The following FUT9 variants were observed in gnomAD, a reference collection of about 807,000 sequenced individuals.
FUT9 encodes fucosyltransferase 9.
A neutral mutation model predicts 29.7 loss-of-function variants in FUT9; 15 were observed. That is an observed-to-expected ratio of 0.51 (90% CI 0.34 to 0.78). The LOEUF is 0.78. Among genes scored for constraint, FUT9 ranks in the 30% least tolerant of loss-of-function variants. The probability of loss-of-function intolerance (pLI) is 0.01; values close to 1 mark genes in which losing one functional copy is unlikely to be tolerated. For synonymous variants in FUT9, 169 were observed against 153.7 expected (o/e 1.10, Z -0.74); for missense variants, 319 against 425.4 (o/e 0.75, Z 2.20).
intron 2 of FUT9, among the ~76,000 whole-genome samples, chr6:96,127,357 G>A (rs980378276): frequency 5.9e-5 from 9 of 152,114 alleles, no homozygotes; most frequent in African/African-American, 1.2e-4. Context: ...ATGTTGCTGC[G>A]AAGTATGTAA....
At chr6:96,155,682 A>AG (rs1009512265) in intron 2 of FUT9, among the ~76,000 whole-genome samples, 1 of 151,394 alleles carries the variant, frequency 6.6e-6, no homozygotes. Flanking sequence ...AAAAAAAAAA[A>AG]AAGGAAAGAA....
At chr6:96,029,019 A>T (rs139603861) in intron 1 of FUT9, among the ~76,000 whole-genome samples, 1 of 151,466 alleles carries the variant, frequency 6.6e-6, no homozygotes. Flanking sequence ...CTACAAAACC[A>T]TAACTTTTGT....
rs761748448 is a variant in FUT9, at chr6:96,204,118, T to C, written c.963T>C (p.Asp321=). The change falls in exon 3 of 3, where the codon GAT becomes GAC. Residue 321 remains aspartate, a synonymous_variant. Coordinates refer to ENST00000302103, the MANE Select transcript of FUT9 (RefSeq NM_006581.4). The stretch of plus-strand genomic sequence containing the variant: ...TTAGTTACTTTAACTGGAGGAAGGA[T>C]TTCACTGTAAATCTTCCACGATTTT... ...LYLSYFNWRK[D]FTVNLPRFWE... 2 of 1,503,464 alleles carry C rather than the reference T, an allele frequency of 1.3e-6. No homozygotes were observed. The highest frequency in any genetic ancestry group is 1.8e-6 in the Non-Finnish European group (2 of 1,126,388). 93.1% of individuals were successfully genotyped at this position (1,503,464 alleles called of 1,614,324 possible).
intron 1 of FUT9, among the ~76,000 whole-genome samples, 198 bp from the exon 2 acceptor site, chr6:96,113,841 G>C (rs753989243): frequency 7.8e-6 from 1 of 128,554 alleles, no homozygotes; most frequent in African/African-American, 2.8e-5. Flanking sequence ...GCCACAGAGC[G>C]AGACTCCATC....
intron 2 of FUT9, among the ~76,000 whole-genome samples, chr6:96,119,756 T>G (rs1392964556): frequency 6.6e-6 from 1 of 152,220 alleles, no homozygotes; most frequent in Non-Finnish European, 1.5e-5. Context: ...AGTTTTAATA[T>G]GAAGAAAATT....
chr6:96,075,821 G>A (rs1463242088), intron 1 of FUT9, among the ~76,000 whole-genome samples: 1 of 152,076 alleles, frequency 6.6e-6, no homozygotes, highest in African/African-American at 2.4e-5. Flanking sequence ...GAGGCCTGTA[G>A]GATTCTAAAG....
At chr6:96,108,570 G>A (rs527657667) in intron 1 of FUT9, among the ~76,000 whole-genome samples, 1 of 152,194 alleles carries the variant, frequency 6.6e-6, no homozygotes, top group South Asian at 2.1e-4. Flanking sequence ...CAAGCTCTCA[G>A]CATGACCCAG....
intron 2 of FUT9, among the ~76,000 whole-genome samples, chr6:96,159,994 G>A (rs951707719): frequency 4.6e-5 from 7 of 152,000 alleles, no homozygotes; most frequent in African/African-American, 9.7e-5. Context: ...TATTATCAAC[G>A]AAACAAGAAA....
chr6:96,177,717 T>C (rs2127984991), intron 2 of FUT9, among the ~76,000 whole-genome samples: 1 of 152,248 alleles, frequency 6.6e-6, no homozygotes, highest in Non-Finnish European at 1.5e-5. Context: ...AGCCCCTGGG[T>C]AAGTCAGGCA....
chr6:96,178,212 C>T (rs929998219), intron 2 of FUT9, among the ~76,000 whole-genome samples: 4 of 152,096 alleles, frequency 2.6e-5, no homozygotes, highest in African/African-American at 7.2e-5. Context: ...TATCCAGGCA[C>T]GATTTTTCCC....
At chr6:96,079,319 G>T (rs1185182424) in intron 1 of FUT9, among the ~76,000 whole-genome samples, 1 of 152,002 alleles carries the variant, frequency 6.6e-6, no homozygotes, top group Non-Finnish European at 1.5e-5. Context: ...CTAGTTTCTT[G>T]TCACTCTCCC....
chr6:96,146,543 A>C (rs535148651), intron 2 of FUT9, among the ~76,000 whole-genome samples: 1 of 152,310 alleles, frequency 6.6e-6, no homozygotes, highest in Non-Finnish European at 1.5e-5. Context: ...GTTAAAAAAA[A>C]CTTTTTATTC....
intron 1 of FUT9, among the ~76,000 whole-genome samples, chr6:96,102,682 G>T (rs1368333612): frequency 6.6e-6 from 1 of 152,132 alleles, no homozygotes; most frequent in African/African-American, 2.4e-5. Context: ...TGAAGTTCAA[G>T]CTTCTTAATT....
At chr6:96,163,996 A>T (rs1772963455) in intron 2 of FUT9, among the ~76,000 whole-genome samples, 1 of 152,178 alleles carries the variant, frequency 6.6e-6, no homozygotes, top group African/African-American at 2.4e-5. Context: ...ATATATGCCC[A>T]AGGTGGTCAA....
At chr6:96,180,991 GT>G (rs1396014599) in intron 2 of FUT9, among the ~76,000 whole-genome samples, 1 of 151,464 alleles carries the variant, frequency 6.6e-6, no homozygotes, top group Non-Finnish European at 1.5e-5. Flanking sequence ...TCTCATTACT[GT>G]TTTTAAAAAT....
intron 1 of FUT9, among the ~76,000 whole-genome samples, chr6:96,112,180 A>C (rs1012310375): frequency 6.6e-6 from 1 of 152,178 alleles, no homozygotes; most frequent in Non-Finnish European, 1.5e-5. Context: ...CACGGCTACC[A>C]ATACCTCCCA....
chr6:96,197,678 C>T (rs954861890), intron 2 of FUT9, among the ~76,000 whole-genome samples: 2 of 152,088 alleles, frequency 1.3e-5, no homozygotes, highest in Non-Finnish European at 2.9e-5. Context: ...TGTCAAATGT[C>T]CTGATCCAAC....
chr6:96,088,077 C>A (rs190345003), intron 1 of FUT9, among the ~76,000 whole-genome samples: 1 of 151,892 alleles, frequency 6.6e-6, no homozygotes, highest in East Asian at 2.0e-4. Flanking sequence ...TCATTCTTAT[C>A]TTTATTTCCT....
At chr6:96,094,920 T>G (rs1211093232) in intron 1 of FUT9, among the ~76,000 whole-genome samples, 5 of 152,076 alleles carry the variant, frequency 3.3e-5, no homozygotes, top group Non-Finnish European at 5.9e-5. Flanking sequence ...TAGCGGTGAT[T>G]TCTGAGATTT....
Sources: gnomAD v4.1 joint callset for allele counts (sites outside exome capture counted in the v4.1 genomes callset) on GRCh38, gnomAD v4.1.1 for gene constraint, MANE v1.5 for transcripts, NCBI Gene and HGNC (gene_info 2026-07-23, HGNC 2026-07-21) for gene names.